Variants in EIF3J observed in about 807,000 individuals in gnomAD.
The protein encoded by EIF3J is eukaryotic translation initiation factor 3 subunit J.
In EIF3J, 15 loss-of-function variants were observed where a neutral mutation model predicts 39.0. That is an observed-to-expected ratio of 0.38 (90% CI 0.26 to 0.59). The LOEUF (loss-of-function observed/expected upper bound fraction) is 0.59. Among genes scored for constraint, EIF3J ranks in the 20% least tolerant of loss-of-function variants. The probability of loss-of-function intolerance (pLI) is 0.60; values close to 1 mark genes in which losing one functional copy is unlikely to be tolerated. For missense variants in EIF3J, 226 were observed against 308.6 expected, an observed-to-expected ratio of 0.73 and a Z score of 2.00; for synonymous variants, 98 against 112.9, an observed-to-expected ratio of 0.87 and a Z score of 0.84.
intron 4 of EIF3J, among the ~76,000 whole-genome samples, chr15:44,554,126 C>G (rs940223977): frequency 3.3e-5 from 5 of 151,990 alleles, no homozygotes; most frequent in Admixed American, 6.6e-5. Context: ...CCTGTAATCC[C>G]AACACTTTGG....
chr15:44,538,172 TG>T (rs1646518551), intron 2 of EIF3J, among the ~76,000 whole-genome samples: 1 of 152,086 alleles, frequency 6.6e-6, no homozygotes, highest in African/African-American at 2.4e-5. Context: ...CGTGGTTTTT[TG>T]TTGTTGTTGT....
chr15:44,547,440 CTTTTTTTT>C (rs986408245), intron 2 of EIF3J, among the ~76,000 whole-genome samples: 1 of 92,528 alleles, frequency 1.1e-5, no homozygotes, highest in African/African-American at 4.3e-5. Context: ...GGCCTTGATT[CTTTTTTTT>C]TTTTTTTTTT....
chr15:44,554,582 A>C lies in EIF3J; in HGVS notation c.324A>C (p.Leu108=). The part of the protein sequence containing the change: ...RLEEPEEPKV[L]TPEEQLADKL... The stretch of plus-strand genomic sequence containing the variant: ...AAGAACCCGAAGAACCTAAAGTGCT[A>C]ACACCAGAAGAACAATTAGCAGATA... Residue 108 remains leucine (L), a synonymous_variant, in exon 5 of 8, where the codon CTA becomes CTC. Transcript: ENST00000261868. 6.2e-7 allele frequency: 1 copy of C among 1,612,188 alleles called. No homozygotes were observed. The highest frequency in any genetic ancestry group is 1.1e-5 in the South Asian group (1 of 90,436).
chr15:44,541,495 T>C (rs1345034545), intron 2 of EIF3J, among the ~76,000 whole-genome samples: 1 of 152,160 alleles, frequency 6.6e-6, no homozygotes, highest in Non-Finnish European at 1.5e-5. Flanking sequence ...CTGGGCAACA[T>C]AGCAAGACCC....
intron 5 of EIF3J, 28 bp downstream of exon 5, chr15:44,554,695 G>T (rs759462070): frequency 1.8e-4 from 263 of 1,458,104 alleles, no homozygotes; most frequent in Non-Finnish European, 2.4e-4. Flanking sequence ...TTGCAATACA[G>T]TATTAAACTG....
intron 4 of EIF3J, among the ~76,000 whole-genome samples, chr15:44,553,123 C>T (rs890575640): frequency 6.6e-6 from 1 of 151,252 alleles, no homozygotes; most frequent in African/African-American, 2.4e-5. Context: ...GAAGTTGAGG[C>T]TGCAGTGAGC....
chr15:44,554,765 G>A (rs1330539232), intron 5 of EIF3J, 98 bp downstream of exon 5: 2 of 639,722 alleles, frequency 3.1e-6, no homozygotes, highest in Non-Finnish European at 5.1e-6. Flanking sequence ...GAAACATACT[G>A]GCTAATGTAG....
chr15:44,558,452 C>T (rs2082162986), intron 6 of EIF3J, among the ~76,000 whole-genome samples: 1 of 149,704 alleles, frequency 6.7e-6, no homozygotes, highest in Non-Finnish European at 1.5e-5. Context: ...TGGCATGAAC[C>T]TGGGAGGCAA....
chr15:44,537,424 C>T lies in EIF3J; in HGVS notation c.144C>T (p.Val48=). The T allele has an allele frequency of 6.4e-7, 1 of 1,553,798 alleles. No individual in the cohort carries two copies. The highest frequency in any genetic ancestry group is 8.7e-7 in the Non-Finnish European group (1 of 1,149,104). Residue 48 remains valine (V), a synonymous_variant, in exon 2 of 8, where the codon GTC becomes GTT. Coordinates refer to ENST00000261868, the MANE Select transcript of EIF3J (RefSeq NM_003758.4). ...AAGGCGAGGACGAGGACGAGGACGT[C>T]AAGGTGGGTGCGGGCTAGGGCGCCG... is the stretch of plus-strand genomic sequence containing the variant. ...RWEGEDEDED[V]KDNWDDDDDE... is the part of the protein sequence containing the mutation.
chr15:44,551,917 C>G (rs1359576604), intron 4 of EIF3J, among the ~76,000 whole-genome samples: 3 of 151,698 alleles, frequency 2.0e-5, no homozygotes, highest in African/African-American at 7.3e-5. Context: ...GCAACCTCTG[C>G]CTCCCGAATT....
chr15:44,559,254 A>AC (rs1491091071), intron 6 of EIF3J: 9 of 146,910 alleles, frequency 6.1e-5, no homozygotes, highest in Admixed American at 5.5e-4. Flanking sequence ...AAAAAAAAAA[A>AC]CACAAAAATC....
At chr15:44,556,943 T>C (rs2082149655) in intron 5 of EIF3J, among the ~76,000 whole-genome samples, 1 of 152,166 alleles carries the variant, frequency 6.6e-6, no homozygotes, top group Admixed American at 6.5e-5. Context: ...GGATTACAGG[T>C]GTGAGCCACT....
chr15:44,552,358 A>T (rs975298739), intron 4 of EIF3J, among the ~76,000 whole-genome samples: 11 of 151,246 alleles, frequency 7.3e-5, no homozygotes, highest in African/African-American at 2.4e-4. Context: ...AGCAATTGTC[A>T]TGCCTCAGCA....
intron 6 of EIF3J, among the ~76,000 whole-genome samples, chr15:44,559,833 T>C (rs949763837): frequency 9.2e-5 from 14 of 152,104 alleles, no homozygotes; most frequent in African/African-American, 2.9e-4. Flanking sequence ...GGAAGGATAG[T>C]AGGGAGCATT....
intron 2 of EIF3J, among the ~76,000 whole-genome samples, chr15:44,544,832 G>C (rs750223615): frequency 3.3e-5 from 5 of 151,668 alleles, no homozygotes; most frequent in African/African-American, 1.2e-4. Flanking sequence ...GGTGAAACCC[G>C]GTCTCTACTA....
intron 2 of EIF3J, among the ~76,000 whole-genome samples, chr15:44,546,474 A>G (rs1322841106): frequency 2.0e-5 from 3 of 152,132 alleles, no homozygotes; most frequent in African/African-American, 7.2e-5. Context: ...ACTGATACAA[A>G]TTTGTGATCT....
rs1163870006 is a variant in EIF3J at position 44,537,189 on chromosome 15, C to T, written c.-6C>T. 1 of 1,609,234 alleles carries T rather than the reference C, an allele frequency of 6.2e-7. No individual in the cohort carries two copies. The highest frequency in any genetic ancestry group is 1.7e-5 in the Admixed American group (1 of 59,792). On this transcript the variant is annotated 5_prime_UTR_variant, in exon 1 of 8. Transcript: ENST00000261868. ...CCCTCTCACACACGCTCACACCCGGCTCGAGATGGCGGCGGCGGCGGCGGC... is the reference window on the plus strand; with the variant it reads ...CCCTCTCACACACGCTCACACCCGGTTCGAGATGGCGGCGGCGGCGGCGGC...
intron 2 of EIF3J, among the ~76,000 whole-genome samples, chr15:44,549,015 A>T (rs2082076388): frequency 6.6e-6 from 1 of 152,190 alleles, no homozygotes; most frequent in South Asian, 2.1e-4. Flanking sequence ...ACAAGAAAAA[A>T]ACTCCAAATC....
At chr15:44,556,327 T>C (rs28639735) in intron 5 of EIF3J, among the ~76,000 whole-genome samples, 4 of 152,138 alleles carry the variant, frequency 2.6e-5, no homozygotes, top group Non-Finnish European at 4.4e-5. Context: ...AGAGTATCCC[T>C]TTTGTAATGT....
Sources: gnomAD v4.1 joint callset for allele counts (sites outside exome capture counted in the v4.1 genomes callset) on GRCh38, gnomAD v4.1.1 for gene constraint, MANE v1.5 for transcripts, NCBI Gene and HGNC (gene_info 2026-07-23, HGNC 2026-07-21) for gene names.